RBPJ: variants seen among roughly 807,000 people sequenced by gnomAD.
The protein encoded by RBPJ is recombination signal binding protein for immunoglobulin kappa J region, also known as recombining binding protein suppressor of hairless.
A neutral mutation model predicts 67.8 loss-of-function variants in RBPJ; 9 were observed. The observed-to-expected ratio is 0.13, with a 90% CI of 0.08 to 0.23. RBPJ has a LOEUF of 0.23. Among genes scored for constraint, RBPJ ranks in the 10% least tolerant of loss-of-function variants. The pLI is 1.00. For synonymous variants in RBPJ, 198 were observed against 203.3 expected (o/e 0.97, Z 0.22); for missense variants, 305 against 595.6 (o/e 0.51, Z 5.08).
At chr4:26,263,735 C>G (rs920616288) in intron 1 of RBPJ, among the ~76,000 whole-genome samples, 1 of 152,070 alleles carries the variant, frequency 6.6e-6, no homozygotes, top group African/African-American at 2.4e-5. Context: ...CCACGCCCAG[C>G]TAATTTTTGT....
At position 26,287,590 on chromosome 4, in the gene RBPJ, A is replaced by G. The variant is rs971455635; in HGVS notation, c.-166-74856A>G. ...AAAGGAAAGGAAAGGACAGGAGAGG[A>G]GAGGGGAGGGGAGGGGAGGGGAGGG... On this transcript the variant is annotated intron_variant, in intron 1 of 4. Transcript: ENST00000512351. 7.7e-3 allele frequency among the ~76,000 whole-genome samples: 49 copies of G among 6,390 alleles called. 3 individuals carry two copies. Among genetic ancestry groups the G allele is most frequent in the African/African-American group, 0.034 (24 of 710 alleles). The allele number at this position is 6,390 out of a possible 152,430, so 4.2% of individuals were successfully genotyped here.
the RBPJ span, among the ~76,000 whole-genome samples, chr4:26,124,887 A>G: frequency 5.3e-5 from 8 of 152,204 alleles, no homozygotes; most frequent in Admixed American, 4.6e-4. Flanking sequence ...TTCATCATTG[A>G]CCGAATGTCC....
chr4:26,240,745 A>T (rs1235577068), intron 1 of RBPJ, among the ~76,000 whole-genome samples: 1 of 151,976 alleles, frequency 6.6e-6, no homozygotes, highest in Non-Finnish European at 1.5e-5. Flanking sequence ...TCTTCTTGAA[A>T]TTTTCACACA....
intron 1 of RBPJ, among the ~76,000 whole-genome samples, chr4:26,348,869 G>T (rs1181824060): frequency 6.6e-6 from 1 of 151,610 alleles, no homozygotes; most frequent in Non-Finnish European, 1.5e-5. Context: ...CATGGCCCAC[G>T]AATTTTTAAA....
chr4:26,208,025 G>C (rs187144713), intron 1 of RBPJ, among the ~76,000 whole-genome samples: 3 of 152,342 alleles, frequency 2.0e-5, no homozygotes, highest in Admixed American at 6.5e-5. Flanking sequence ...TAGCCTTTCA[G>C]TCCTGCAGAT....
intron 4 of RBPJ, among the ~76,000 whole-genome samples, chr4:26,417,422 C>G (rs1455964345): frequency 2.6e-5 from 4 of 152,146 alleles, no homozygotes; most frequent in African/African-American, 9.7e-5. Context: ...CTAGTATACC[C>G]TTTCCCCAAG....
At chr4:26,114,495 ATATG>A in the RBPJ span, among the ~76,000 whole-genome samples, 3 of 135,476 alleles carry the variant, frequency 2.2e-5, no homozygotes, top group African/African-American at 8.8e-5. Flanking sequence ...ATATATATAT[ATATG>A]TATGTGTGTG....
At chr4:26,349,346 A>G (rs1382005187) in intron 1 of RBPJ, among the ~76,000 whole-genome samples, 1 of 152,218 alleles carries the variant, frequency 6.6e-6, no homozygotes, top group Non-Finnish European at 1.5e-5. Flanking sequence ...TGCTGGGATT[A>G]CAAGCATGAG....
intron 1 of RBPJ, among the ~76,000 whole-genome samples, chr4:26,169,247 T>C (rs1236249355): frequency 6.6e-6 from 1 of 152,196 alleles, no homozygotes; most frequent in Non-Finnish European, 1.5e-5. Flanking sequence ...AGATGGGTTT[T>C]TGGTGTGGAT....
chr4:26,177,145 G>C (rs1025838480), intron 1 of RBPJ, among the ~76,000 whole-genome samples: 20 of 152,022 alleles, frequency 1.3e-4, no homozygotes, highest in African/African-American at 4.6e-4. Context: ...TAAGCCTCCC[G>C]GGGAGAATTA....
chr4:26,302,535 C>A (rs1197058558), intron 1 of RBPJ, among the ~76,000 whole-genome samples: 1 of 152,302 alleles, frequency 6.6e-6, no homozygotes, highest in East Asian at 1.9e-4. Context: ...TCAAGTCTCC[C>A]CAGCGTTGGG....
the RBPJ span, among the ~76,000 whole-genome samples, chr4:26,117,645 G>T: frequency 6.6e-6 from 1 of 152,064 alleles, no homozygotes; most frequent in African/African-American, 2.4e-5. Context: ...GAGAAGCTGG[G>T]TTCCTCCACT....
chr4:26,305,771 C>CTT lies in RBPJ; in HGVS notation c.-166-56653_-166-56652dup, dbSNP rs71276617. Reference sequence around the variant, plus strand: ...AGTGGAGTTCTTAGAATTTTCTTTTCTTTTTTTTTTTTTTTTTTTTTTTCT... The same window carrying CTT: ...AGTGGAGTTCTTAGAATTTTCTTTTCTTTTTTTTTTTTTTTTTTTTTTTTTCT... On this transcript the variant is annotated intron_variant, in intron 1 of 4. Coordinates refer to the RBPJ transcript ENST00000512351. Among the ~76,000 whole-genome samples the CTT allele has an allele frequency of 5.9e-3, 399 of 67,770 alleles. 47 individuals are homozygous for CTT. Among genetic ancestry groups the CTT allele is most frequent in the East Asian group, 0.033 (54 of 1,646 alleles). The allele number at this position is 67,770 out of a possible 152,430, so 44.5% of individuals were successfully genotyped here. A position where few individuals can be genotyped will look rare whatever the true frequency, so the allele number is the denominator to read the frequency against.
chr4:26,324,383 G>T (rs1347752498), intron 1 of RBPJ, among the ~76,000 whole-genome samples: 1 of 139,506 alleles, frequency 7.2e-6, no homozygotes, highest in Non-Finnish European at 1.5e-5. Flanking sequence ...CAAATTACAG[G>T]GTGATGTGTC....
chr4:26,325,471 A>G (rs1415082543), intron 1 of RBPJ, among the ~76,000 whole-genome samples: 4 of 152,200 alleles, frequency 2.6e-5, no homozygotes, highest in African/African-American at 7.2e-5. Context: ...CTGGGTTCCA[A>G]TTCTGTCTCT....
upstream of RBPJ, among the ~76,000 whole-genome samples, chr4:26,158,983 C>CTCTCTCTCTCTCTCTCT (rs1716029600): frequency 7.2e-6 from 1 of 138,270 alleles, no homozygotes; most frequent in Non-Finnish European, 1.6e-5. Context: ...CTCTCTCTCT[C>CTCTCTCTCTCTCTCTCT]AATTTAGTCC....
intron 1 of RBPJ, among the ~76,000 whole-genome samples, chr4:26,261,473 A>G (rs1329029229): frequency 1.3e-5 from 2 of 152,194 alleles, no homozygotes; most frequent in East Asian, 3.8e-4. Flanking sequence ...GGTCAAAGGT[A>G]AGAGAACTGA....
chr4:26,187,219 C>T (rs951990064), intron 1 of RBPJ, among the ~76,000 whole-genome samples: 1 of 152,176 alleles, frequency 6.6e-6, no homozygotes. Context: ...GAGACCCTGT[C>T]TCGAAAAAAC....
chr4:26,163,382 A>AC (rs1331155554), upstream of RBPJ: 1 of 111,970 alleles, frequency 8.9e-6, no homozygotes, highest in African/African-American at 4.4e-5. Flanking sequence ...CCTCTACCCC[A>AC]CACACAAAAA....
Sources: allele counts gnomAD v4.1 joint callset (sites outside exome capture counted in the v4.1 genomes callset), GRCh38; gene constraint gnomAD v4.1.1; transcripts MANE v1.5; gene names NCBI Gene and HGNC (gene_info 2026-07-23, HGNC 2026-07-21).